RAB3GAP1: variants seen among roughly 807,000 people sequenced by gnomAD.
RAB3GAP1 encodes the protein rab3 GTPase-activating protein catalytic subunit.
RAB3GAP1 carries 86 observed loss-of-function variants against 130.7 expected under a neutral mutation model. That is an observed-to-expected ratio of 0.66 (90% confidence interval 0.55 to 0.79). The LOEUF is 0.79. Ranked by LOEUF, RAB3GAP1 falls within the 30% of genes least tolerant of loss-of-function variation. The pLI is 0.00. For missense variants in RAB3GAP1, 1,029 were observed against 1,169.4 expected (o/e 0.88, Z 1.75); for synonymous variants, 367 against 401.7 (o/e 0.91, Z 1.03).
intron 7 of RAB3GAP1, 77 bp downstream of exon 7, chr2:135,115,458 T>C (rs1166904391): frequency 7.2e-7 from 1 of 1,393,520 alleles, no homozygotes; most frequent in Non-Finnish European, 1.0e-6. Flanking sequence ...ATTCAGCATA[T>C]AGAAACATTT....
intron 7 of RAB3GAP1, among the ~76,000 whole-genome samples, chr2:135,116,056 A>G (rs1212326832): frequency 1.3e-5 from 2 of 152,162 alleles, no homozygotes; most frequent in African/African-American, 2.4e-5. Flanking sequence ...CTCTACTTAG[A>G]GAAATATTAC....
intron 5 of RAB3GAP1, among the ~76,000 whole-genome samples, chr2:135,106,068 C>T (rs1295620004): frequency 3.3e-5 from 5 of 152,104 alleles, no homozygotes; most frequent in South Asian, 2.1e-4. Flanking sequence ...AGGAGCGTCT[C>T]GGCCCGGCAG....
At chr2:135,142,216 T>C (rs559154762) in intron 17 of RAB3GAP1, among the ~76,000 whole-genome samples, 5 of 152,320 alleles carry the variant, frequency 3.3e-5, no homozygotes, top group Admixed American at 2.0e-4. Flanking sequence ...TTTATCTCAT[T>C]AGTGTTTTAG....
At chr2:135,108,204 T>G (rs1690689036) in intron 5 of RAB3GAP1, among the ~76,000 whole-genome samples, 1 of 152,124 alleles carries the variant, frequency 6.6e-6, no homozygotes, top group Non-Finnish European at 1.5e-5. Context: ...CACATTTATA[T>G]TTAAATATAG....
At chr2:135,131,466 G>A (rs995837557) in intron 13 of RAB3GAP1, among the ~76,000 whole-genome samples, 18 of 152,032 alleles carry the variant, frequency 1.2e-4, no homozygotes, top group Non-Finnish European at 8.8e-5. Flanking sequence ...TCCTGACCTC[G>A]TAATCCGCCC....
At chr2:135,099,866 A>C (rs1478572063) in intron 5 of RAB3GAP1, among the ~76,000 whole-genome samples, 3 of 152,140 alleles carry the variant, frequency 2.0e-5, no homozygotes, top group Non-Finnish European at 2.9e-5. Context: ...GAGTAAATCT[A>C]AATATAAAGG....
intron 17 of RAB3GAP1, among the ~76,000 whole-genome samples, chr2:135,147,360 A>C (rs1391817843): frequency 6.6e-6 from 1 of 151,968 alleles, no homozygotes; most frequent in Non-Finnish European, 1.5e-5. Flanking sequence ...AAAAAAAAAA[A>C]ATCTTTTAAC....
intron 5 of RAB3GAP1, among the ~76,000 whole-genome samples, chr2:135,094,809 T>C (rs1051438215): frequency 2.6e-5 from 4 of 152,260 alleles, no homozygotes; most frequent in African/African-American, 9.6e-5. Context: ...TACTTGTCTT[T>C]CTGTGCCTGG....
At chr2:135,140,822 A>G (rs547089968) in intron 17 of RAB3GAP1, among the ~76,000 whole-genome samples, 1 of 152,314 alleles carries the variant, frequency 6.6e-6, no homozygotes, top group East Asian at 1.9e-4. Context: ...ATAGTGAGTC[A>G]TTTTTATCAG....
chr2:135,106,474 G>T (rs1690623593), intron 5 of RAB3GAP1, among the ~76,000 whole-genome samples: 1 of 152,206 alleles, frequency 6.6e-6, no homozygotes. Context: ...CGTGCTCTCT[G>T]AAACGTGCTG....
chr2:135,116,850 T>G (rs1477637886), intron 7 of RAB3GAP1, among the ~76,000 whole-genome samples: 1 of 152,186 alleles, frequency 6.6e-6, no homozygotes, highest in African/African-American at 2.4e-5. Flanking sequence ...TTCCAATCTT[T>G]CTGAAGGTTT....
intron 4 of RAB3GAP1, among the ~76,000 whole-genome samples, chr2:135,092,311 T>A (rs1040783257): frequency 1.3e-5 from 2 of 152,186 alleles, no homozygotes; most frequent in Admixed American, 6.5e-5. Context: ...AGCGAAAATT[T>A]AAGTGCTGTT....
intron 3 of RAB3GAP1, among the ~76,000 whole-genome samples, chr2:135,069,713 A>G (rs1689416079): frequency 6.6e-6 from 1 of 151,774 alleles, no homozygotes; most frequent in Admixed American, 6.6e-5. Context: ...TTTTTCATTT[A>G]TTTATTTGTA....
intron 7 of RAB3GAP1, among the ~76,000 whole-genome samples, chr2:135,117,863 T>C (rs892442593): frequency 2.0e-5 from 3 of 151,634 alleles, no homozygotes; most frequent in Non-Finnish European, 4.4e-5. Flanking sequence ...TCTTCTTCTT[T>C]TTTTGTTTGA....
chr2:135,084,830 A>T (rs1689930106), intron 3 of RAB3GAP1, among the ~76,000 whole-genome samples: 1 of 152,216 alleles, frequency 6.6e-6, no homozygotes, highest in Admixed American at 6.5e-5. Flanking sequence ...ATAGACATGT[A>T]AATAAATAAT....
In RAB3GAP1 at chr2:135,058,050, A is replaced by G. The variant is rs1463005321; in HGVS notation, c.114A>G (p.Lys38=). The part of the protein sequence containing the change: ...SKVEEVLNDW[K]LIGNSLGKPL... ...TTGAAGAAGTCTTGAATGACTGGAA[A>G]CTGATTGGAAACTCTTTGGGAAAGC... Residue 38 remains lysine, a synonymous_variant, in exon 3 of 24, where the codon AAA becomes AAG. Coordinates refer to ENST00000264158, the MANE Select transcript of RAB3GAP1 (RefSeq NM_012233.3). 1 of 1,613,180 alleles carries G rather than the reference A, an allele frequency of 6.2e-7. No homozygotes were observed. The highest frequency in any genetic ancestry group is 1.1e-5 in the South Asian group (1 of 91,052).
At chr2:135,091,904 CCTT>C (rs1259991765) in intron 4 of RAB3GAP1, among the ~76,000 whole-genome samples, 1 of 152,154 alleles carries the variant, frequency 6.6e-6, no homozygotes, top group East Asian at 1.9e-4. Flanking sequence ...AGTCAAATAT[CCTT>C]CTTCATTCAC....
chr2:135,143,559 T>TC (rs1691907782), intron 17 of RAB3GAP1, among the ~76,000 whole-genome samples: 1 of 148,770 alleles, frequency 6.7e-6, no homozygotes. Context: ...CATGCTACTT[T>TC]TTTTTTTTTT....
At position 135,052,427 on chromosome 2, in the gene RAB3GAP1, C is replaced by T; in HGVS notation, c.19-3C>T. ...TCTTTTTCTCTCCTTCCCCTTCCCG[C>T]AGCCCGAATCCGAGGTATTTGAGAT... On this transcript the variant is annotated splice_polypyrimidine_tract_variant and splice_region_variant and intron_variant, in intron 1 of 23. Coordinates refer to ENST00000264158, the MANE Select transcript of RAB3GAP1 (RefSeq NM_012233.3). 6.2e-7 allele frequency: 1 copy of T among 1,614,168 alleles called. No individual in the cohort carries two copies.
Sources: gnomAD v4.1 joint callset for allele counts (sites outside exome capture counted in the v4.1 genomes callset) on GRCh38, gnomAD v4.1.1 for gene constraint, MANE v1.5 for transcripts, NCBI Gene and HGNC (gene_info 2026-07-23, HGNC 2026-07-21) for gene names.